CSMD1: variants seen among roughly 807,000 people sequenced by gnomAD.
The protein encoded by CSMD1 is CUB and sushi domain-containing protein 1.
A neutral mutation model predicts 417.5 loss-of-function variants in CSMD1; 213 were observed. The ratio of observed to expected loss-of-function variants is 0.51; its 90% CI spans 0.46 to 0.57. CSMD1 has a LOEUF of 0.57. Ranked by LOEUF, CSMD1 falls within the 20% of genes least tolerant of loss-of-function variation. The pLI is 0.00. For synonymous variants in CSMD1, 2,862 were observed against 1,736.8 expected (o/e 1.65, Z -16.11); for missense variants, 6,923 against 4,529.7 (o/e 1.53, Z -15.17).
chr8:4,712,858 T>C (rs1808397779), intron 1 of CSMD1, among the ~76,000 whole-genome samples: 1 of 152,236 alleles, frequency 6.6e-6, no homozygotes, highest in Non-Finnish European at 1.5e-5. Context: ...AATCTGGATA[T>C]ATTTTAGTAG....
At chr8:3,564,013 T>C (rs1222095934) in intron 10 of CSMD1, among the ~76,000 whole-genome samples, 1 of 152,212 alleles carries the variant, frequency 6.6e-6, no homozygotes, top group Non-Finnish European at 1.5e-5. Context: ...TTTAAGCTAC[T>C]TTTATTTTGA....
chr8:4,938,422 G>C (rs1387005257), intron 1 of CSMD1, among the ~76,000 whole-genome samples: 1 of 152,088 alleles, frequency 6.6e-6, no homozygotes, highest in African/African-American at 2.4e-5. Flanking sequence ...TCATCAACAA[G>C]TGGCATATGC....
chr8:4,390,551 T>C (rs1803780254), intron 3 of CSMD1, among the ~76,000 whole-genome samples: 1 of 145,228 alleles, frequency 6.9e-6, no homozygotes, highest in Non-Finnish European at 1.5e-5. Context: ...TCTTGCTCTG[T>C]TGCCCAGGCT....
chr8:4,803,488 G>T (rs889307146), intron 1 of CSMD1, among the ~76,000 whole-genome samples: 4 of 152,156 alleles, frequency 2.6e-5, no homozygotes, highest in Admixed American at 1.3e-4. Context: ...AAAGCCCTAG[G>T]TTGGAATCTG....
intron 9 of CSMD1, among the ~76,000 whole-genome samples, chr8:3,584,812 A>G (rs762472644): frequency 9.8e-5 from 15 of 152,326 alleles, no homozygotes; most frequent in Non-Finnish European, 1.9e-4. Flanking sequence ...CAAAGGAAAA[A>G]TAATCCATGT....
intron 2 of CSMD1, among the ~76,000 whole-genome samples, chr8:4,525,272 C>CAACA (rs1353279030): frequency 6.6e-6 from 1 of 152,150 alleles, no homozygotes; most frequent in Non-Finnish European, 1.5e-5. Flanking sequence ...AAAGGAAAGA[C>CAACA]AACACTCTGT....
rs1261816540 is a variant in CSMD1 at position 4,143,514 on chromosome 8, T to C, written c.416-111415A>G. 4.0e-5 allele frequency among the ~76,000 whole-genome samples: 6 copies of C among 150,792 alleles called. No homozygotes were observed. In the South Asian group the frequency reaches 1.0e-3, roughly 26 times the overall value. ...AAAGCTGGTTAAACTAAAGAAGAAG[T>C]TGATATTAAGTTTATATCAAATCTA... On this transcript the variant is annotated intron_variant, in intron 3 of 69. Coordinates refer to ENST00000635120, the MANE Select transcript of CSMD1 (RefSeq NM_033225.6).
At chr8:3,453,064 G>T (rs557456163) in intron 12 of CSMD1, among the ~76,000 whole-genome samples, 2 of 152,168 alleles carry the variant, frequency 1.3e-5, no homozygotes, top group Non-Finnish European at 2.9e-5. Context: ...ATGTGTCGAG[G>T]AATTTATCCA....
At chr8:4,974,961 C>G (rs1369136333) in intron 1 of CSMD1, among the ~76,000 whole-genome samples, 1 of 152,164 alleles carries the variant, frequency 6.6e-6, no homozygotes, top group Non-Finnish European at 1.5e-5. Flanking sequence ...ACAATAGATT[C>G]AAGTCGAAAT....
At chr8:4,854,647 G>T (rs1801686721) in intron 1 of CSMD1, among the ~76,000 whole-genome samples, 1 of 152,176 alleles carries the variant, frequency 6.6e-6, no homozygotes, top group Non-Finnish European at 1.5e-5. Flanking sequence ...AAAGAAAGGG[G>T]TGACGGACAG....
intron 1 of CSMD1, among the ~76,000 whole-genome samples, chr8:4,715,621 C>G (rs929923887): frequency 1.3e-5 from 2 of 152,134 alleles, no homozygotes; most frequent in Non-Finnish European, 2.9e-5. Flanking sequence ...CAAAAATGAT[C>G]TCCTGATTTT....
At chr8:4,623,709 G>A (rs1427617856) in intron 2 of CSMD1, among the ~76,000 whole-genome samples, 1 of 152,072 alleles carries the variant, frequency 6.6e-6, no homozygotes, top group Non-Finnish European at 1.5e-5. Flanking sequence ...TATTCTGAGT[G>A]AAAGAAGTTA....
intron 28 of CSMD1, among the ~76,000 whole-genome samples, chr8:3,220,488 G>A (rs182574777): frequency 5.3e-5 from 8 of 152,288 alleles, no homozygotes; most frequent in Non-Finnish European, 7.3e-5. Context: ...TGGTTAAGAT[G>A]TCTAAGATCT....
At chr8:3,695,719 T>C (rs375955298) in intron 7 of CSMD1, among the ~76,000 whole-genome samples, 1 of 152,182 alleles carries the variant, frequency 6.6e-6, no homozygotes, top group Non-Finnish European at 1.5e-5. Context: ...AACAGCAGTT[T>C]GGCTGGAAGG....
intron 7 of CSMD1, among the ~76,000 whole-genome samples, chr8:3,676,399 C>T (rs554906348): frequency 6.6e-6 from 1 of 152,280 alleles, no homozygotes; most frequent in East Asian, 1.9e-4. Flanking sequence ...ATATACCAAG[C>T]ACCATGCTGG....
intron 5 of CSMD1, among the ~76,000 whole-genome samples, chr8:3,896,819 C>T (rs925513234): frequency 6.6e-6 from 1 of 151,938 alleles, no homozygotes; most frequent in East Asian, 1.9e-4. Context: ...CTGATTGTGA[C>T]ATCAAGTTTG....
intron 10 of CSMD1, among the ~76,000 whole-genome samples, chr8:3,566,269 G>C (rs891683798): frequency 6.6e-6 from 1 of 152,116 alleles, no homozygotes; most frequent in African/African-American, 2.4e-5. Flanking sequence ...TTGAAGAAAA[G>C]AATAACAAGA....
rs1360623268 is a variant in CSMD1, at chr8:4,772,087, G to A, written c.86-134529C>T. ...TCGGCAGGCTGTATTTCTTCCTGCA[G>A]GCTTGACGGGGAATAGGCTTCCAGG... On this transcript the variant is annotated intron_variant, in intron 1 of 69. Transcript: ENST00000635120. Among the ~76,000 whole-genome samples, 3 of 152,158 alleles carry A rather than the reference G, an allele frequency of 2.0e-5. No homozygotes were observed. In the East Asian group the frequency reaches 5.8e-4, roughly 29 times the overall value.
intron 3 of CSMD1, among the ~76,000 whole-genome samples, chr8:4,185,449 A>G (rs1233019643): frequency 6.6e-6 from 1 of 152,166 alleles, no homozygotes; most frequent in African/African-American, 2.4e-5. Context: ...AATGATTTTA[A>G]AAACAGCATA....
Sources: allele counts gnomAD v4.1 joint callset (sites outside exome capture counted in the v4.1 genomes callset), GRCh38; gene constraint gnomAD v4.1.1; transcripts MANE v1.5; gene names NCBI Gene and HGNC (gene_info 2026-07-23, HGNC 2026-07-21).